Variants in AGPS observed in about 807,000 individuals in gnomAD.
AGPS encodes alkylglycerone phosphate synthase.
A neutral mutation model predicts 90.7 loss-of-function variants in AGPS; 26 were observed. That is an observed-to-expected ratio of 0.29 (90% CI 0.21 to 0.40). The LOEUF (loss-of-function observed/expected upper bound fraction) is 0.40. AGPS is among the 10% of genes least tolerant of loss of function. The probability of loss-of-function intolerance (pLI) is 1.00; values close to 1 mark genes in which losing one functional copy is unlikely to be tolerated. For missense variants in AGPS, 540 were observed against 816.1 expected (o/e 0.66, Z 4.12); for synonymous variants, 294 against 285.3 (o/e 1.03, Z -0.31).
At chr2:177,453,567 G>C in intron 8 of AGPS, among the ~76,000 whole-genome samples, 1 of 151,944 alleles carries the variant, frequency 6.6e-6, no homozygotes, top group South Asian at 2.1e-4. Flanking sequence ...ACCACAGCCA[G>C]CCTAGGTTGC....
At chr2:177,399,970 T>C (rs1042326705) in intron 1 of AGPS, among the ~76,000 whole-genome samples, 1 of 152,244 alleles carries the variant, frequency 6.6e-6, no homozygotes, top group African/African-American at 2.4e-5. Flanking sequence ...ATTGGGTAGA[T>C]ATATACCACA....
At position 177,400,033 on chromosome 2, in the gene AGPS, G is replaced by A. The variant is rs146230747; in HGVS notation, c.260+6984G>A. On this transcript the variant is annotated intron_variant, in intron 1 of 19. Transcript: ENST00000264167. ...TTTAGGTGGTGGTTACTTTTGGTCC[G>A]AATAATTACTTGTTTTAATATAAAG... Among the ~76,000 whole-genome samples, 1,214 of 152,174 alleles carry A rather than the reference G, an allele frequency of 8.0e-3. 15 individuals carry two copies. The highest frequency in any genetic ancestry group is 0.027 in the African/African-American group (1,129 of 41,520).
At chr2:177,509,089 G>A (rs960721041) in intron 16 of AGPS, among the ~76,000 whole-genome samples, 1 of 151,946 alleles carries the variant, frequency 6.6e-6, no homozygotes, top group African/African-American at 2.4e-5. Context: ...TTAATATTTT[G>A]GTTTCTTCCA....
Position 177,538,448 on chromosome 2 carries a change from A to G in AGPS, c.*253A>G, listed in dbSNP as rs561536795. 6.3e-6 allele frequency: 3 copies of G among 474,566 alleles called. No individual in the cohort carries two copies. Among genetic ancestry groups the G allele is most frequent in the East Asian group, 8.3e-5 (2 of 24,236 alleles). The allele number at this position is 474,566 out of a possible 1,614,324, so 29.4% of individuals were successfully genotyped here. A position where few individuals can be genotyped will look rare whatever the true frequency, so the allele number is the denominator to read the frequency against. The stretch of plus-strand genomic sequence containing the variant: ...TTGTCATTTCAAATTTTAGTCAGGC[A>G]GCACAAAGCTGTCAATTATTCCAGA... On this transcript the variant is annotated 3_prime_UTR_variant, in exon 20 of 20. Transcript: ENST00000264167.
intron 2 of AGPS, among the ~76,000 whole-genome samples, chr2:177,424,348 T>C (rs1291483034): frequency 6.6e-6 from 1 of 152,194 alleles, no homozygotes; most frequent in Non-Finnish European, 1.5e-5. Context: ...ATATTTTCTT[T>C]ATCCAGTCAA....
intron 7 of AGPS, among the ~76,000 whole-genome samples, chr2:177,444,430 A>G (rs902225375): frequency 5.3e-5 from 8 of 151,652 alleles, no homozygotes; most frequent in Admixed American, 2.0e-4. Flanking sequence ...CAAAAAAAAA[A>G]AAAAAAAAAA....
rs759670220 is a variant in AGPS, at chr2:177,521,317, C to G, written c.1746C>G (p.Ala582=). 5 of 1,613,922 alleles carry G rather than the reference C, an allele frequency of 3.1e-6. No homozygotes were observed. The South Asian group carries it at 3.3e-5, about 11-fold the overall frequency. The change falls in exon 18 of 20, where the codon GCC becomes GCG. Residue 582 remains alanine (A), a synonymous_variant. Transcript: ENST00000264167. ...GTGCTTGTATCTACTTCTATTTTGC[C>G]TTTAACTACAGGGGAATTAGTGACC... ...DAGACIYFYF[A]FNYRGISDPL...
intron 7 of AGPS, 44 bp from the exon 8 acceptor site, chr2:177,445,502 T>G (rs761080208): frequency 7.5e-6 from 11 of 1,460,166 alleles, no homozygotes; most frequent in Non-Finnish European, 9.6e-6. Context: ...TGAGAAAATA[T>G]TAGTAGTTCC....
At chr2:177,507,426 G>T (rs997573329) in intron 15 of AGPS, among the ~76,000 whole-genome samples, 3 of 152,038 alleles carry the variant, frequency 2.0e-5, no homozygotes, top group Non-Finnish European at 4.4e-5. Context: ...TAGTAGAAGT[G>T]CCTCCAGATG....
chr2:177,397,303 AGT>A (rs2105582137), intron 1 of AGPS, among the ~76,000 whole-genome samples: 1 of 152,254 alleles, frequency 6.6e-6, no homozygotes, highest in South Asian at 2.1e-4. Context: ...AGAGTATTGA[AGT>A]GACAGTTTAC....
chr2:177,518,803 A>G (rs952658577), intron 17 of AGPS, among the ~76,000 whole-genome samples: 7 of 151,738 alleles, frequency 4.6e-5, no homozygotes, highest in African/African-American at 1.7e-4. Context: ...CAGTGTGGCT[A>G]TTGGGAGTTT....
At chr2:177,525,675 G>A (rs1309932679) in intron 19 of AGPS, among the ~76,000 whole-genome samples, 3 of 152,190 alleles carry the variant, frequency 2.0e-5, no homozygotes, top group Non-Finnish European at 4.4e-5. Flanking sequence ...TTCCTTAATT[G>A]TGGGATGATG....
chr2:177,510,755 T>G lies in AGPS; in HGVS notation c.1607+2724T>G, dbSNP rs539063853. On this transcript the variant is annotated intron_variant, in intron 16 of 19. Coordinates refer to ENST00000264167, the MANE Select transcript of AGPS (RefSeq NM_003659.4). ...AACTACATTTTTATGTAAAATTTAC[T>G]TGTTGACAACCATTTAGCAATTTTC... is the stretch of plus-strand genomic sequence containing the variant. Among the ~76,000 whole-genome samples the G allele has an allele frequency of 5.9e-4, 90 of 152,348 alleles. No individual in the cohort carries two copies. In the Middle Eastern group the frequency reaches 0.01, roughly 17 times the overall value.
intron 5 of AGPS, among the ~76,000 whole-genome samples, chr2:177,438,316 A>G (rs1406164075): frequency 6.6e-6 from 1 of 152,188 alleles, no homozygotes; most frequent in African/African-American, 2.4e-5. Context: ...CGTTACTCAG[A>G]ATGATGACGC....
chr2:177,442,521 T>G lies in AGPS; in HGVS notation c.789+35T>G, dbSNP rs777329162. The G allele has an allele frequency of 2.7e-6, 4 of 1,481,446 alleles. No individual in the cohort carries two copies. The East Asian group carries it at 6.8e-5, about 25-fold the overall frequency. 91.8% of individuals were successfully genotyped at this position (1,481,446 alleles called of 1,614,324 possible). The stretch of plus-strand genomic sequence containing the variant: ...AATTTGAGATATATTTAAAACATTT[T>G]CTTTATTGGCTCCACCTTAATTGTC... On this transcript the variant is annotated intron_variant, in intron 7 of 19. Coordinates refer to ENST00000264167, the MANE Select transcript of AGPS (RefSeq NM_003659.4).
chr2:177,477,477 A>G (rs1414115192), intron 10 of AGPS, among the ~76,000 whole-genome samples: 1 of 152,130 alleles, frequency 6.6e-6, no homozygotes, highest in African/African-American at 2.4e-5. Context: ...CCAAAATTTG[A>G]GACTTCTTGA....
At chr2:177,489,918 G>T (rs1248843345) in intron 11 of AGPS, among the ~76,000 whole-genome samples, 1 of 152,072 alleles carries the variant, frequency 6.6e-6, no homozygotes, top group Non-Finnish European at 1.5e-5. Context: ...TTAACTCAAG[G>T]ACCTTTTTCC....
intron 11 of AGPS, among the ~76,000 whole-genome samples, chr2:177,488,417 C>T (rs1020736381): frequency 2.6e-5 from 4 of 151,950 alleles, no homozygotes; most frequent in Admixed American, 1.3e-4. Flanking sequence ...AGGGTTTCAC[C>T]GTGTTAGCCA....
At chr2:177,480,105 A>G (rs1012079910) in intron 10 of AGPS, among the ~76,000 whole-genome samples, 2 of 152,082 alleles carry the variant, frequency 1.3e-5, no homozygotes, top group Admixed American at 6.5e-5. Flanking sequence ...ACTTGAACCC[A>G]GGAGGCACAG....
Sources: allele counts gnomAD v4.1 joint callset (sites outside exome capture counted in the v4.1 genomes callset), GRCh38; gene constraint gnomAD v4.1.1; transcripts MANE v1.5; gene names NCBI Gene and HGNC (gene_info 2026-07-23, HGNC 2026-07-21).